The following NAPA variants were observed in gnomAD, a reference collection of about 807,000 sequenced individuals.
NAPA encodes NSF attachment protein alpha.
Under a neutral mutation model 48.0 loss-of-function variants are expected in NAPA, and 18 were observed. The ratio of observed to expected loss-of-function variants is 0.38; its 90% CI spans 0.26 to 0.56. NAPA has a LOEUF of 0.56. Ranked by LOEUF, NAPA falls within the 20% of genes least tolerant of loss-of-function variation. The pLI is 0.77. For synonymous variants in NAPA, 152 were observed against 149.9 expected (o/e 1.01, Z -0.10); for missense variants, 315 against 385.0 (o/e 0.82, Z 1.52).
chr19:47,491,013 G>C, intron 8 of NAPA, 157 bp from the exon 9 acceptor site: 1 of 588,346 alleles, frequency 1.7e-6, no homozygotes, highest in Non-Finnish European at 3.0e-6. Context: ...GTGTCTGTCA[G>C]TACCTTCCCG....
intron 9 of NAPA, 76 bp downstream of exon 9, chr19:47,490,712 C>T (rs917986750): frequency 1.7e-5 from 21 of 1,250,020 alleles, no homozygotes; most frequent in African/African-American, 3.0e-5. Context: ...CAAGTCTTGG[C>T]GATTGTCCCA....
chr19:47,492,869 G>C, intron 7 of NAPA, 92 bp downstream of exon 7: 1 of 1,197,512 alleles, frequency 8.4e-7, no homozygotes, highest in South Asian at 1.2e-5. Context: ...GCCGGGGGAG[G>C]GGTGGTTCCA....
In NAPA at chr19:47,493,132, C is replaced by T. The variant is rs762920724; in HGVS notation, c.463G>A (p.Glu155Lys). Residue 155 changes from glutamate to lysine, a missense_variant, in exon 6 of 11, where the codon GAG becomes AAG. Coordinates refer to ENST00000263354, the MANE Select transcript of NAPA (RefSeq NM_003827.4). The surrounding 1 kb of genome is among the most constrained non-coding windows in gnomAD (Gnocchi z 6.4). ...GAAGGGGGCTACCTGTTGGACTCCT[C>T]GCCTTTGTAGTAGTCTGCAGACTGC... ...YEQSADYYKG[E>K]ESNSSANKCL... The T allele has an allele frequency of 1.9e-6, 3 of 1,612,230 alleles. No homozygotes were observed. The highest frequency in any genetic ancestry group is 2.5e-6 in the Non-Finnish European group (3 of 1,179,112).
chr19:47,505,632 A>C (rs1395391731), intron 1 of NAPA: 1 of 152,096 alleles, frequency 6.6e-6, no homozygotes, highest in East Asian at 1.9e-4. Context: ...ATTGACTGAG[A>C]CCGACTACCT....
At chr19:47,514,746 C>T (rs1968872608) in intron 1 of NAPA, 97 bp downstream of exon 1, 1 of 1,188,338 alleles carries the variant, frequency 8.4e-7, no homozygotes, top group African/African-American at 1.5e-5. Context: ...TCCGTCCCCT[C>T]GGCCCGAGCT....
At chr19:47,508,932 C>G (rs758624558) in intron 1 of NAPA, among the ~76,000 whole-genome samples, 3 of 151,972 alleles carry the variant, frequency 2.0e-5, no homozygotes, top group African/African-American at 7.3e-5. Flanking sequence ...AAAAATTAGC[C>G]AGGCATGGTG....
At chr19:47,484,700 T>C (rs898338636), downstream of NAPA, among the ~76,000 whole-genome samples, 185 of 149,606 alleles carry the variant, frequency 1.2e-3, no homozygotes, top group Middle Eastern at 3.4e-3. Context: ...AACTCCACAG[T>C]TCACTATTTT....
intron 7 of NAPA, chr19:47,492,733 G>A (rs1414269192): frequency 2.9e-6 from 2 of 678,540 alleles, no homozygotes; most frequent in Non-Finnish European, 5.4e-6. Flanking sequence ...GTGTGGGAGG[G>A]GCACAGCCAG....
intron 1 of NAPA, among the ~76,000 whole-genome samples, chr19:47,513,427 T>C (rs1053507145): frequency 2.0e-5 from 3 of 152,154 alleles, no homozygotes; most frequent in Non-Finnish European, 2.9e-5. Context: ...CTAACACTCA[T>C]AGCAAATGGG....
chr19:47,515,048 C>T lies in NAPA; in HGVS notation c.-108G>A, dbSNP rs1968881427. The T allele has an allele frequency of 2.9e-5, 33 of 1,142,096 alleles. No homozygotes were observed. The highest frequency in any genetic ancestry group is 4.7e-5 in the African/African-American group (3 of 63,836). The allele number at this position is 1,142,096 out of a possible 1,614,324, so 70.7% of individuals were successfully genotyped here. A position where few individuals can be genotyped will look rare whatever the true frequency, so the allele number is the denominator to read the frequency against. The stretch of plus-strand genomic sequence containing the variant: ...GGTAAAACTCGCCCGGCTGCGTTGA[C>T]GTCGCACCGGCGCGCGTCGCTTGCG... On this transcript the variant is annotated 5_prime_UTR_variant, in exon 1 of 11. Transcript: ENST00000263354.
chr19:47,492,735 C>G (rs1968307044), intron 7 of NAPA: 1 of 679,210 alleles, frequency 1.5e-6, no homozygotes, highest in East Asian at 2.8e-5. Flanking sequence ...GTGGGAGGGG[C>G]ACAGCCAGGG....
In NAPA at chr19:47,493,284, A is replaced by G; in HGVS notation, c.421-110T>C. 1.3e-6 allele frequency: 2 copies of G among 1,486,132 alleles called. No individual in the cohort carries two copies. Among genetic ancestry groups the G allele is most frequent in the Non-Finnish European group, 1.8e-6 (2 of 1,081,176 alleles). 92.1% of individuals were successfully genotyped at this position (1,486,132 alleles called of 1,614,324 possible). A position where few individuals can be genotyped will look rare whatever the true frequency, so the allele number is the denominator to read the frequency against. On this transcript the variant is annotated intron_variant, in intron 5 of 10. Coordinates refer to ENST00000263354, the MANE Select transcript of NAPA (RefSeq NM_003827.4). This position sits in a 1 kb window ranked among gnomAD's most constrained non-coding sequence, Gnocchi z 6.4. ...CCTGCCTGGGACACAGCCAGACCCCATTCTCCAAGCTCTGCCGGCGCCCCA... is the reference window on the plus strand; with the variant it reads ...CCTGCCTGGGACACAGCCAGACCCCGTTCTCCAAGCTCTGCCGGCGCCCCA...
At chr19:47,485,516 C>A (rs961748102), downstream of NAPA, among the ~76,000 whole-genome samples, 4 of 152,202 alleles carry the variant, frequency 2.6e-5, no homozygotes, top group African/African-American at 9.7e-5. Context: ...GCCAGCTGTC[C>A]TGGACACCTC....
At chr19:47,500,329 G>T (rs562194800) in intron 3 of NAPA, among the ~76,000 whole-genome samples, 1 of 152,168 alleles carries the variant, frequency 6.6e-6, no homozygotes, top group South Asian at 2.1e-4. Flanking sequence ...CCCGGCAGGC[G>T]GTGGGTCTGC....
rs543999466 is a variant in NAPA, at chr19:47,492,224, G to A, written c.562-105C>T. On this transcript the variant is annotated intron_variant, in intron 7 of 10. Coordinates refer to ENST00000263354, the MANE Select transcript of NAPA (RefSeq NM_003827.4). ...CCAGCTGGGAGCTGGTTCATGTCCC[G>A]AGGTGAGGCCCTGTTAACCCAGGAC... 140 of 990,840 alleles carry A rather than the reference G, an allele frequency of 1.4e-4. 1 individual carries two copies. Among genetic ancestry groups the A allele is most frequent in the African/African-American group, 1.3e-3 (79 of 62,312 alleles). The allele number at this position is 990,840 out of a possible 1,614,324, so 61.4% of individuals were successfully genotyped here.
downstream of NAPA, among the ~76,000 whole-genome samples, chr19:47,487,017 C>A (rs560772949): frequency 3.3e-5 from 5 of 152,308 alleles, no homozygotes; most frequent in South Asian, 1.0e-3. Flanking sequence ...GGGCCCTGCG[C>A]GGGGCAGGGT....
intron 2 of NAPA, among the ~76,000 whole-genome samples, chr19:47,502,942 A>G (rs1043582027): frequency 6.6e-6 from 1 of 152,216 alleles, no homozygotes; most frequent in Non-Finnish European, 1.5e-5. Context: ...CAGTTTCCAA[A>G]TCTGTAAAAT....
intron 1 of NAPA, among the ~76,000 whole-genome samples, chr19:47,505,857 C>G (rs1189195352): frequency 6.6e-6 from 1 of 152,074 alleles, no homozygotes; most frequent in African/African-American, 2.4e-5. Context: ...CTGATGCTGT[C>G]CCCCACCCTC....
At chr19:47,503,569 G>T in intron 1 of NAPA, 67 bp from the exon 2 acceptor site, 1 of 1,469,340 alleles carries the variant, frequency 6.8e-7, no homozygotes, top group Non-Finnish European at 9.5e-7. Context: ...CAAGCATTCT[G>T]CTCCAGTGCC....
Sources: gnomAD v4.1 joint callset for allele counts (sites outside exome capture counted in the v4.1 genomes callset) on GRCh38, gnomAD v4.1.1 for gene constraint, Gnocchi (gnomAD v3.1) non-coding constraint, MANE v1.5 for transcripts, NCBI Gene and HGNC (gene_info 2026-07-23, HGNC 2026-07-21) for gene names.